MAPKAP1: variants seen among roughly 807,000 people sequenced by gnomAD.
The protein encoded by MAPKAP1 is MAPK associated protein 1.
Under a neutral mutation model 65.7 loss-of-function variants are expected in MAPKAP1, and 20 were observed. That is an observed-to-expected ratio of 0.30 (90% confidence interval 0.21 to 0.44). MAPKAP1 has a LOEUF of 0.44. MAPKAP1 is among the 20% of genes least tolerant of loss of function. MAPKAP1 has a pLI of 1.00. For synonymous variants in MAPKAP1, 222 were observed against 244.3 expected, an observed-to-expected ratio of 0.91 and a Z score of 0.85; for missense variants, 423 against 648.0, an observed-to-expected ratio of 0.65 and a Z score of 3.77.
At chr9:125,467,658 T>C (rs1853728923) in intron 10 of MAPKAP1, among the ~76,000 whole-genome samples, 1 of 152,076 alleles carries the variant, frequency 6.6e-6, no homozygotes, top group South Asian at 2.1e-4. Context: ...CAAAGGGAAA[T>C]GAGGGCTCTG....
rs1326503688 is a variant in MAPKAP1, at chr9:125,706,912, G to C, written c.-70+59C>G. ...ACTGGAGGGGTGAGAGGGCCGCCAG[G>C]TGGGCAAGCTGGTGGGCTGACGGAC... On this transcript the variant is annotated intron_variant, in intron 1 of 11. Transcript: ENST00000265960. 1.0e-5 allele frequency: 4 copies of C among 388,472 alleles called. No individual in the cohort carries two copies. In the Admixed American group the frequency reaches 1.3e-4, roughly 13 times the overall value. The allele number at this position is 388,472 out of a possible 1,614,324, so 24.1% of individuals were successfully genotyped here. A position where few individuals can be genotyped will look rare whatever the true frequency, so the allele number is the denominator to read the frequency against.
intron 4 of MAPKAP1, among the ~76,000 whole-genome samples, chr9:125,647,814 T>G (rs949046118): frequency 2.6e-5 from 4 of 152,132 alleles, no homozygotes; most frequent in Non-Finnish European, 4.4e-5. Context: ...ATTCGATGGA[T>G]AGAGATGTGT....
At chr9:125,697,491 A>G (rs1251420644) in intron 1 of MAPKAP1, among the ~76,000 whole-genome samples, 1 of 152,112 alleles carries the variant, frequency 6.6e-6, no homozygotes, top group Non-Finnish European at 1.5e-5. Context: ...TTTTTCACTT[A>G]TTATATGGTT....
intron 4 of MAPKAP1, among the ~76,000 whole-genome samples, chr9:125,641,454 A>C (rs1188270104): frequency 6.6e-6 from 1 of 152,210 alleles, no homozygotes; most frequent in Non-Finnish European, 1.5e-5. Context: ...AAAAAGCAGA[A>C]TCAACTTTAT....
At chr9:125,448,182 G>C (rs988801535) in intron 10 of MAPKAP1, among the ~76,000 whole-genome samples, 1 of 152,190 alleles carries the variant, frequency 6.6e-6, no homozygotes. Context: ...GACAGGTGCA[G>C]AAAGGATACT....
chr9:125,613,730 G>A (rs965600021), intron 4 of MAPKAP1, among the ~76,000 whole-genome samples: 1 of 151,956 alleles, frequency 6.6e-6, no homozygotes, highest in African/African-American at 2.4e-5. Flanking sequence ...AGCAGGTTCC[G>A]CCAAACATTC....
chr9:125,451,808 G>GTTTTTTTTTT (rs71374268), intron 10 of MAPKAP1, among the ~76,000 whole-genome samples: 1 of 117,864 alleles, frequency 8.5e-6, no homozygotes, highest in African/African-American at 3.2e-5. Context: ...ACTCACAGGA[G>GTTTTTTTTTT]TTTTTTTTTT....
intron 7 of MAPKAP1, among the ~76,000 whole-genome samples, chr9:125,516,594 T>C (rs1829468208): frequency 6.6e-6 from 1 of 152,176 alleles, no homozygotes; most frequent in South Asian, 2.1e-4. Context: ...GGAGGAGATG[T>C]TTGGTGTGAG....
intron 10 of MAPKAP1, among the ~76,000 whole-genome samples, chr9:125,449,003 T>TAAA (rs1852829757): frequency 2.8e-5 from 2 of 71,852 alleles, no homozygotes; most frequent in East Asian, 8.8e-4. Flanking sequence ...AGACTCTGTC[T>TAAA]CAAAAAAAAA....
intron 4 of MAPKAP1, among the ~76,000 whole-genome samples, chr9:125,616,056 A>G (rs1832738860): frequency 6.6e-6 from 1 of 152,218 alleles, no homozygotes; most frequent in South Asian, 2.1e-4. Flanking sequence ...ATTGAAACAG[A>G]AAAGTCCAGG....
At chr9:125,698,037 C>A (rs1027360917) in intron 1 of MAPKAP1, among the ~76,000 whole-genome samples, 1 of 151,328 alleles carries the variant, frequency 6.6e-6, no homozygotes. Context: ...AAATCCAGAG[C>A]AGCATGGAAA....
intron 7 of MAPKAP1, among the ~76,000 whole-genome samples, chr9:125,531,895 T>C (rs1488649614): frequency 6.6e-6 from 1 of 152,208 alleles, no homozygotes; most frequent in Non-Finnish European, 1.5e-5. Context: ...TTGTTTAAGA[T>C]TTTCTTTTTA....
At chr9:125,558,633 G>A (rs189954353) in intron 6 of MAPKAP1, among the ~76,000 whole-genome samples, 18 of 152,276 alleles carry the variant, frequency 1.2e-4, no homozygotes, top group Admixed American at 9.8e-4. Flanking sequence ...AGCAGGGGGT[G>A]CCAAAGGGAT....
rs113813227 is a variant in MAPKAP1 at position 125,619,487 on chromosome 9, A to C, written c.499-33760T>G. On this transcript the variant is annotated intron_variant, in intron 4 of 11. Coordinates refer to ENST00000265960, the MANE Select transcript of MAPKAP1 (RefSeq NM_001006617.3). ...GCAAGACTCCATTTAAAAAAAAAAA[A>C]AACTGCGTTTTATTCTGTATATTAT... Among the ~76,000 whole-genome samples, 29 of 152,186 alleles carry C rather than the reference A, an allele frequency of 1.9e-4. No homozygotes were observed. In the South Asian group the frequency reaches 2.5e-3, roughly 13 times the overall value.
chr9:125,593,671 GAA>G (rs11336055), intron 4 of MAPKAP1, among the ~76,000 whole-genome samples: 3 of 151,076 alleles, frequency 2.0e-5, no homozygotes, highest in East Asian at 3.9e-4. Context: ...AAAAGAAAAA[GAA>G]AAAAAAAGGT....
rs1004406534 is a variant in MAPKAP1, at chr9:125,654,082, C to T, written c.498+3569G>A. 2.6e-5 allele frequency among the ~76,000 whole-genome samples: 4 copies of T among 152,090 alleles called. No individual in the cohort carries two copies. In the East Asian group the frequency reaches 5.8e-4, roughly 22 times the overall value. ...TCTTAAAACATAACCTAATCTGAAA[C>T]GGGTGGAGAAACAGGGCAGAAAATC... On this transcript the variant is annotated intron_variant, in intron 4 of 11. Coordinates refer to ENST00000265960, the MANE Select transcript of MAPKAP1 (RefSeq NM_001006617.3).
At chr9:125,526,279 A>C (rs1038194410) in intron 7 of MAPKAP1, among the ~76,000 whole-genome samples, 1 of 152,248 alleles carries the variant, frequency 6.6e-6, no homozygotes, top group Non-Finnish European at 1.5e-5. Context: ...CAGCAAATCC[A>C]GTAAACTAAT....
rs201175101 is a variant in MAPKAP1 at position 125,674,921 on chromosome 9, TC to T, written c.-69-2279del. On this transcript the variant is annotated intron_variant, in intron 1 of 11. Transcript: ENST00000265960. The stretch of plus-strand genomic sequence containing the variant: ...AGCATCAAATTTCTGAGATATCTGG[TC>T]CCTGAAGTATTAGTGTCAATCTACC... Among the ~76,000 whole-genome samples the T allele has an allele frequency of 7.3e-4, 111 of 152,270 alleles. 2 individuals are homozygous for T. The East Asian group carries it at 0.019, about 26-fold the overall frequency.
chr9:125,473,956 G>A (rs929802279), intron 9 of MAPKAP1, among the ~76,000 whole-genome samples: 3 of 152,188 alleles, frequency 2.0e-5, no homozygotes, highest in Admixed American at 6.5e-5. Flanking sequence ...AGTGCTTGTT[G>A]TGAGGATTAG....
Sources: gnomAD v4.1 joint callset for allele counts (sites outside exome capture counted in the v4.1 genomes callset) on GRCh38, gnomAD v4.1.1 for gene constraint, MANE v1.5 for transcripts, NCBI Gene and HGNC (gene_info 2026-07-23, HGNC 2026-07-21) for gene names.